LSAMP: variants seen among roughly 807,000 people sequenced by gnomAD.
LSAMP encodes limbic system-associated membrane protein.
LSAMP carries 7 observed loss-of-function variants against 38.6 expected under a neutral mutation model. The observed-to-expected ratio is 0.18, with a 90% CI of 0.10 to 0.34. LSAMP has a LOEUF of 0.34. Ranked by LOEUF, LSAMP falls within the 10% of genes least tolerant of loss-of-function variation. The pLI, the probability that LSAMP is intolerant of heterozygous loss-of-function variation, is 1.00. For synonymous variants in LSAMP, 154 were observed against 166.8 expected, an observed-to-expected ratio of 0.92 and a Z score of 0.59; for missense variants, 313 against 420.0, an observed-to-expected ratio of 0.75 and a Z score of 2.23.
intron 3 of LSAMP, among the ~76,000 whole-genome samples, chr3:115,941,471 C>T (rs2107559955): frequency 6.6e-6 from 1 of 152,164 alleles, no homozygotes; most frequent in Middle Eastern, 3.4e-3. Flanking sequence ...GTTATCTGTA[C>T]CGCCATGTTC....
intron 2 of LSAMP, among the ~76,000 whole-genome samples, chr3:116,079,153 C>T (rs759127360): frequency 2.6e-5 from 4 of 152,026 alleles, no homozygotes; most frequent in Admixed American, 6.6e-5. Context: ...TATCATTATC[C>T]GCAATATTTT....
intron 3 of LSAMP, among the ~76,000 whole-genome samples, chr3:115,961,602 CAG>C (rs1270222149): frequency 6.6e-6 from 1 of 152,152 alleles, no homozygotes; most frequent in Non-Finnish European, 1.5e-5. Flanking sequence ...AAAAATGACT[CAG>C]TAACTAAACT....
intron 1 of LSAMP, among the ~76,000 whole-genome samples, chr3:116,099,697 T>A (rs1708301261): frequency 6.6e-6 from 1 of 152,144 alleles, no homozygotes. Flanking sequence ...CTTCAAAGCT[T>A]TCAGCGCCAG....
At chr3:115,928,538 G>A (rs975583121) in intron 3 of LSAMP, among the ~76,000 whole-genome samples, 2 of 152,234 alleles carry the variant, frequency 1.3e-5, no homozygotes, top group Admixed American at 6.5e-5. Flanking sequence ...GGAAGTCAGA[G>A]ATTTGGGGGA....
At chr3:116,055,510 G>T (rs73858510) in intron 2 of LSAMP, among the ~76,000 whole-genome samples, 2,489 of 152,224 alleles carry the variant, frequency 0.016, 61 homozygotes, top group African/African-American at 0.055. Flanking sequence ...GACTTGAAGG[G>T]TTAGGTCCCC....
chr3:116,324,396 C>T (rs1022690510), intron 1 of LSAMP, among the ~76,000 whole-genome samples: 9 of 152,188 alleles, frequency 5.9e-5, no homozygotes, highest in East Asian at 1.9e-4. Flanking sequence ...AATAGTCATT[C>T]GTTTACTCAC....
chr3:116,290,656 C>T lies in LSAMP; in HGVS notation c.155+154221G>A, dbSNP rs186371132. Among the ~76,000 whole-genome samples the T allele has an allele frequency of 3.4e-3, 512 of 151,124 alleles. 6 individuals are homozygous for T. Among genetic ancestry groups the T allele is most frequent in the African/African-American group, 0.012 (489 of 41,224 alleles). ...GAGGCAGGAGAATCCCTTGAACCTG[C>T]GAGGCGGAGGTTGCAGTGAGCCAAG... On this transcript the variant is annotated intron_variant, in intron 1 of 6. Coordinates refer to ENST00000490035, the MANE Select transcript of LSAMP (RefSeq NM_002338.5).
intron 1 of LSAMP, among the ~76,000 whole-genome samples, chr3:116,359,269 A>G (rs1164989131): frequency 6.6e-6 from 1 of 152,220 alleles, no homozygotes; most frequent in Non-Finnish European, 1.5e-5. Context: ...GTTAGCAGGT[A>G]GTGAAAAAAT....
At chr3:116,052,703 A>G (rs1364961269) in intron 2 of LSAMP, among the ~76,000 whole-genome samples, 1 of 152,162 alleles carries the variant, frequency 6.6e-6, no homozygotes, top group Admixed American at 6.5e-5. Flanking sequence ...GGGCTCAATT[A>G]CCCAGGAAAC....
chr3:116,233,797 T>A (rs1359532890), intron 1 of LSAMP, among the ~76,000 whole-genome samples: 1 of 152,062 alleles, frequency 6.6e-6, no homozygotes, highest in Non-Finnish European at 1.5e-5. Flanking sequence ...AAATTACCAG[T>A]TTAAGGGGAA....
chr3:115,863,878 C>G (rs2107367512), intron 3 of LSAMP, among the ~76,000 whole-genome samples: 1 of 152,104 alleles, frequency 6.6e-6, no homozygotes, highest in South Asian at 2.1e-4. Context: ...TTTTCTATTT[C>G]TGGCATAAGG....
intron 3 of LSAMP, among the ~76,000 whole-genome samples, chr3:115,904,507 C>A (rs550284240): frequency 6.6e-6 from 1 of 151,960 alleles, no homozygotes; most frequent in Non-Finnish European, 1.5e-5. Flanking sequence ...ACAACTCCTG[C>A]GTTTATAAAA....
At chr3:115,932,471 T>G (rs1937595576) in intron 3 of LSAMP, among the ~76,000 whole-genome samples, 1 of 152,122 alleles carries the variant, frequency 6.6e-6, no homozygotes, top group Admixed American at 6.6e-5. Flanking sequence ...GTGGAAAAAA[T>G]GTGTGCAGAG....
chr3:116,076,351 G>C (rs1354934935), intron 2 of LSAMP, among the ~76,000 whole-genome samples: 1 of 151,972 alleles, frequency 6.6e-6, no homozygotes, highest in African/African-American at 2.4e-5. Flanking sequence ...TCCACCTCCC[G>C]GGTTCACACC....
At chr3:116,176,181 A>G (rs1026161169) in intron 1 of LSAMP, among the ~76,000 whole-genome samples, 2 of 152,130 alleles carry the variant, frequency 1.3e-5, no homozygotes, top group Non-Finnish European at 1.5e-5. Context: ...AATTTCAGAC[A>G]CTTTATGGAG....
At chr3:115,856,092 G>T (rs181476161) in intron 3 of LSAMP, among the ~76,000 whole-genome samples, 1 of 152,318 alleles carries the variant, frequency 6.6e-6, no homozygotes, top group Admixed American at 6.5e-5. Flanking sequence ...GTGTTGCAGG[G>T]ACCATGCCTT....
chr3:115,971,188 C>G (rs961035618), intron 3 of LSAMP, among the ~76,000 whole-genome samples: 1 of 152,154 alleles, frequency 6.6e-6, no homozygotes, highest in Non-Finnish European at 1.5e-5. Flanking sequence ...AAACAGGTTT[C>G]TTACACTTCC....
chr3:116,282,489 C>T (rs147124610), intron 1 of LSAMP, among the ~76,000 whole-genome samples: 7 of 152,092 alleles, frequency 4.6e-5, no homozygotes, highest in Admixed American at 6.5e-5. Flanking sequence ...TTGTGAAACA[C>T]GTAGTTGTGA....
At chr3:115,849,178 A>G (rs1248702532) in intron 4 of LSAMP, among the ~76,000 whole-genome samples, 1 of 152,212 alleles carries the variant, frequency 6.6e-6, no homozygotes, top group Admixed American at 6.5e-5. Flanking sequence ...ATTTAATTGA[A>G]GAGATTTTGA....
Sources: allele counts gnomAD v4.1 joint callset (sites outside exome capture counted in the v4.1 genomes callset), GRCh38; gene constraint gnomAD v4.1.1; transcripts MANE v1.5; gene names NCBI Gene and HGNC (gene_info 2026-07-23, HGNC 2026-07-21).